Variants in NRXN1 observed in about 807,000 individuals in gnomAD.
NRXN1 encodes the protein neurexin 1, also known as neurexin-1.
Under a neutral mutation model 150.9 loss-of-function variants are expected in NRXN1, and 39 were observed. The observed-to-expected ratio is 0.26, with a 90% CI of 0.20 to 0.34. The LOEUF is 0.34. Ranked by LOEUF, NRXN1 falls within the 10% of genes least tolerant of loss-of-function variation. The probability of loss-of-function intolerance (pLI) is 1.00; values close to 1 mark genes in which losing one functional copy is unlikely to be tolerated. For missense variants in NRXN1, 1,815 were observed against 1,949.9 expected (o/e 0.93, Z 1.30); for synonymous variants, 924 against 757.0 (o/e 1.22, Z -3.62).
At chr2:50,422,229 G>A (rs2084053881) in intron 17 of NRXN1, among the ~76,000 whole-genome samples, 1 of 152,094 alleles carries the variant, frequency 6.6e-6, no homozygotes, top group African/African-American at 2.4e-5. Context: ...TGGGATGTTA[G>A]AGGCTCTAAT....
At chr2:50,449,765 ATGAGCTCCT>A (rs2086788731) in intron 17 of NRXN1, among the ~76,000 whole-genome samples, 1 of 152,176 alleles carries the variant, frequency 6.6e-6, no homozygotes, top group Admixed American at 6.6e-5. Context: ...CCTCTTGTGT[ATGAGCTCCT>A]TGAAAGCAAA....
intron 5 of NRXN1, 147 bp from the exon 6 acceptor site, chr2:50,623,762 C>T: frequency 1.7e-6 from 1 of 578,832 alleles, no homozygotes. Flanking sequence ...TCAAACAGTA[C>T]TGTACAGGGC....
intron 12 of NRXN1, among the ~76,000 whole-genome samples, chr2:50,514,456 T>C (rs1190379806): frequency 6.6e-6 from 1 of 152,234 alleles, no homozygotes; most frequent in Non-Finnish European, 1.5e-5. Flanking sequence ...CTATTAATTT[T>C]GTTTAAAATT....
chr2:50,621,274 G>C, intron 6 of NRXN1, 25 bp from the exon 7 acceptor site: 1 of 1,545,354 alleles, frequency 6.5e-7, no homozygotes, highest in Non-Finnish European at 8.8e-7. Flanking sequence ...GGGGAGAAAG[G>C]AAATTAAAAA....
At chr2:50,370,178 A>T (rs2079912444) in intron 17 of NRXN1, among the ~76,000 whole-genome samples, 1 of 151,960 alleles carries the variant, frequency 6.6e-6, no homozygotes, top group Admixed American at 6.6e-5. Flanking sequence ...CTCCAACTAT[A>T]TTGCAAATAC....
At chr2:50,701,144 C>G (rs1420098401) in intron 5 of NRXN1, among the ~76,000 whole-genome samples, 3 of 152,050 alleles carry the variant, frequency 2.0e-5, no homozygotes, top group African/African-American at 7.2e-5. Flanking sequence ...TTTATCACAC[C>G]TTGTCTATTA....
chr2:50,093,444 T>C (rs1417025251), intron 18 of NRXN1, among the ~76,000 whole-genome samples: 1 of 142,976 alleles, frequency 7.0e-6, no homozygotes, highest in Non-Finnish European at 1.5e-5. Context: ...TAGCAAGATC[T>C]CGTCTTTACT....
intron 2 of NRXN1, among the ~76,000 whole-genome samples, chr2:51,001,819 C>T (rs1334889898): frequency 6.6e-6 from 1 of 151,914 alleles, no homozygotes; most frequent in Admixed American, 6.6e-5. Context: ...GAAGGTCACT[C>T]TCATCCTCTT....
At chr2:50,523,849 A>G (rs2092866779) in intron 12 of NRXN1, among the ~76,000 whole-genome samples, 1 of 152,166 alleles carries the variant, frequency 6.6e-6, no homozygotes, top group African/African-American at 2.4e-5. Context: ...TCAGCCCTTG[A>G]TGCTTTGTTC....
intron 5 of NRXN1, among the ~76,000 whole-genome samples, chr2:50,666,871 TG>T (rs1208591397): frequency 2.3e-5 from 2 of 85,192 alleles, no homozygotes; most frequent in African/African-American, 4.3e-5. Flanking sequence ...ATGATGATGA[TG>T]ATGATGATGT....
chr2:50,396,017 T>C (rs1196803929), intron 17 of NRXN1, among the ~76,000 whole-genome samples: 1 of 152,170 alleles, frequency 6.6e-6, no homozygotes. Flanking sequence ...CAGTAGATTA[T>C]TGAAAAGTTA....
chr2:50,884,004 C>T (rs62140638), intron 5 of NRXN1, among the ~76,000 whole-genome samples: 11,713 of 151,720 alleles, frequency 0.077, 561 homozygotes, highest in South Asian at 0.11. Flanking sequence ...CATGTGTGCA[C>T]TGAGTTTGTG....
At chr2:50,594,086 T>C (rs1191055763) in intron 8 of NRXN1, among the ~76,000 whole-genome samples, 2 of 152,178 alleles carry the variant, frequency 1.3e-5, no homozygotes, top group Non-Finnish European at 2.9e-5. Flanking sequence ...TCCACCATGA[T>C]TGTAAGTTTC....
intron 21 of NRXN1, among the ~76,000 whole-genome samples, chr2:49,966,413 T>A (rs1676972061): frequency 1.3e-5 from 2 of 152,088 alleles, no homozygotes; most frequent in Non-Finnish European, 2.9e-5. Context: ...TATGAAAATC[T>A]CATAAGAAAA....
intron 19 of NRXN1, among the ~76,000 whole-genome samples, chr2:50,059,763 C>T (rs933757042): frequency 6.6e-6 from 1 of 152,158 alleles, no homozygotes; most frequent in Admixed American, 6.5e-5. Context: ...CAGCTCAGGT[C>T]GTTGCTTCAG....
chr2:50,543,090 A>G (rs1188758234), intron 9 of NRXN1, among the ~76,000 whole-genome samples: 3 of 152,302 alleles, frequency 2.0e-5, no homozygotes, highest in Middle Eastern at 3.4e-3. Context: ...GCTGAGGTAC[A>G]TAAATGTTAT....
intron 6 of NRXN1, 75 bp downstream of exon 6, chr2:50,623,239 A>T: frequency 8.5e-7 from 1 of 1,170,122 alleles, no homozygotes; most frequent in Non-Finnish European, 1.2e-6. Context: ...TCATGTTGTT[A>T]GAGTATTTAA....
chr2:50,457,617 A>G (rs1335526604), intron 17 of NRXN1, among the ~76,000 whole-genome samples: 1 of 152,176 alleles, frequency 6.6e-6, no homozygotes, highest in African/African-American at 2.4e-5. Flanking sequence ...CAATCATAAA[A>G]TAATTATAAC....
At chr2:50,611,984 G>T (rs78065055) in intron 8 of NRXN1, among the ~76,000 whole-genome samples, 2,618 of 152,180 alleles carry the variant, frequency 0.017, 81 homozygotes, top group African/African-American at 0.06. Context: ...TTCCCTAAAG[G>T]TTCCTACGAA....
Sources: allele counts gnomAD v4.1 joint callset (sites outside exome capture counted in the v4.1 genomes callset), GRCh38; gene constraint gnomAD v4.1.1; transcripts MANE v1.5; gene names NCBI Gene and HGNC (gene_info 2026-07-23, HGNC 2026-07-21).